SWT1: variants seen among roughly 807,000 people sequenced by gnomAD.
The protein encoded by SWT1 is transcriptional protein SWT1.
A neutral mutation model predicts 107.3 loss-of-function variants in SWT1; 33 were observed. The observed-to-expected ratio is 0.31, with a 90% CI of 0.23 to 0.41. SWT1 has a LOEUF of 0.41. Among genes scored for constraint, SWT1 ranks in the 10% least tolerant of loss-of-function variants. The pLI is 1.00. For synonymous variants in SWT1, 345 were observed against 348.3 expected (o/e 0.99, Z 0.11); for missense variants, 898 against 1,028.9 (o/e 0.87, Z 1.74).
intron 2 of SWT1, among the ~76,000 whole-genome samples, chr1:185,161,879 A>T (rs1654177720): frequency 6.6e-6 from 1 of 152,158 alleles, no homozygotes; most frequent in African/African-American, 2.4e-5. Context: ...GAGAGTGTTT[A>T]TGCTGTGTTA....
At chr1:185,271,073 T>C (rs1004744709) in intron 16 of SWT1, among the ~76,000 whole-genome samples, 6 of 152,230 alleles carry the variant, frequency 3.9e-5, no homozygotes, top group African/African-American at 1.2e-4. Context: ...AGAATGCTTA[T>C]AGTTGTTGAT....
intron 17 of SWT1, among the ~76,000 whole-genome samples, chr1:185,275,882 A>G (rs1471921684): frequency 6.6e-6 from 1 of 152,166 alleles, no homozygotes; most frequent in Non-Finnish European, 1.5e-5. Context: ...TTCCCCACCA[A>G]AAAATGCATG....
intron 15 of SWT1, among the ~76,000 whole-genome samples, chr1:185,231,105 G>T (rs1356369358): frequency 6.6e-6 from 1 of 151,992 alleles, no homozygotes; most frequent in East Asian, 1.9e-4. Context: ...TGCTTATATT[G>T]TTATACATTT....
intron 16 of SWT1, among the ~76,000 whole-genome samples, chr1:185,242,106 A>G (rs1406094993): frequency 6.6e-6 from 1 of 152,182 alleles, no homozygotes; most frequent in African/African-American, 2.4e-5. Flanking sequence ...CTCAGGGAAT[A>G]TAAGCAGGCA....
chr1:185,191,978 A>G (rs1482491046), intron 10 of SWT1, among the ~76,000 whole-genome samples: 1 of 152,010 alleles, frequency 6.6e-6, no homozygotes, highest in Non-Finnish European at 1.5e-5. Flanking sequence ...GTTGGTTTGT[A>G]TGCATTTTCT....
chr1:185,221,765 C>A, intron 14 of SWT1, 84 bp from the exon 15 acceptor site: 2 of 915,174 alleles, frequency 2.2e-6, no homozygotes, highest in Non-Finnish European at 3.2e-6. Flanking sequence ...AAAGCTAGAA[C>A]ATTTGTAAGC....
chr1:185,252,584 T>G (rs1484111400), intron 16 of SWT1, among the ~76,000 whole-genome samples: 1 of 152,012 alleles, frequency 6.6e-6, no homozygotes, highest in African/African-American at 2.4e-5. Context: ...TGTCTTCTTT[T>G]GAGAAGTGTC....
At chr1:185,251,595 T>C (rs890578114) in intron 16 of SWT1, among the ~76,000 whole-genome samples, 28 of 152,256 alleles carry the variant, frequency 1.8e-4, no homozygotes, top group African/African-American at 6.5e-4. Flanking sequence ...ATTGATCCTC[T>C]TTACTGCTAG....
At chr1:185,169,465 G>A (rs1654863158) in intron 4 of SWT1, among the ~76,000 whole-genome samples, 1 of 151,962 alleles carries the variant, frequency 6.6e-6, no homozygotes, top group Admixed American at 6.6e-5. Context: ...TGAAATTGGT[G>A]TGCAAACAGT....
intron 5 of SWT1, among the ~76,000 whole-genome samples, 197 bp from the exon 6 acceptor site, chr1:185,180,194 G>A (rs1182192066): frequency 2.6e-5 from 4 of 152,134 alleles, no homozygotes; most frequent in Admixed American, 2.0e-4. Flanking sequence ...TAAAAAAAAA[G>A]TTTGGGAGTA....
At chr1:185,215,030 A>G (rs751993558) in intron 14 of SWT1, among the ~76,000 whole-genome samples, 98 of 152,168 alleles carry the variant, frequency 6.4e-4, no homozygotes, top group Non-Finnish European at 1.1e-3. Flanking sequence ...CTGAAACCCT[A>G]TTGAATCTAT....
At chr1:185,193,579 G>C (rs1347163261) in intron 10 of SWT1, among the ~76,000 whole-genome samples, 1 of 151,400 alleles carries the variant, frequency 6.6e-6, no homozygotes, top group Non-Finnish European at 1.5e-5. Flanking sequence ...CAATTCTCCT[G>C]CCTTAGCCTC....
chr1:185,246,920 TGCCTGA>T (rs2102629433), intron 16 of SWT1, among the ~76,000 whole-genome samples: 1 of 152,300 alleles, frequency 6.6e-6, no homozygotes, highest in South Asian at 2.1e-4. Context: ...TGAGCCACCA[TGCCTGA>T]CCAGGGGCTA....
intron 4 of SWT1, 83 bp downstream of exon 4, chr1:185,168,481 C>A: frequency 1.3e-6 from 1 of 797,890 alleles, no homozygotes; most frequent in Non-Finnish European, 1.8e-6. Context: ...TTTTTATTTA[C>A]TTTGAAGAGG....
intron 18 of SWT1, among the ~76,000 whole-genome samples, chr1:185,282,587 G>A (rs967879641): frequency 3.9e-5 from 6 of 152,076 alleles, no homozygotes; most frequent in Non-Finnish European, 5.9e-5. Context: ...CTACACCTGA[G>A]GAGGGAGTTG....
At chr1:185,207,892 C>A (rs2102473187) in intron 13 of SWT1, among the ~76,000 whole-genome samples, 1 of 152,130 alleles carries the variant, frequency 6.6e-6, no homozygotes. Flanking sequence ...CAGAATGAGA[C>A]CCTGTCTCAA....
intron 16 of SWT1, among the ~76,000 whole-genome samples, chr1:185,235,918 C>A (rs1006497004): frequency 2.0e-5 from 3 of 151,988 alleles, no homozygotes; most frequent in African/African-American, 4.8e-5. Flanking sequence ...AACAAACAGC[C>A]AAATCAAGAG....
At chr1:185,191,843 C>T (rs1571460749) in intron 10 of SWT1, among the ~76,000 whole-genome samples, 1 of 152,020 alleles carries the variant, frequency 6.6e-6, no homozygotes, top group Non-Finnish European at 1.5e-5. Flanking sequence ...ACATTCACTG[C>T]TTTTTTTGGG....
At chr1:185,218,321 T>G (rs938230734) in intron 14 of SWT1, among the ~76,000 whole-genome samples, 17 of 152,192 alleles carry the variant, frequency 1.1e-4, no homozygotes, top group Non-Finnish European at 1.9e-4. Context: ...GATTTTTTTT[T>G]GGGAGACAGG....
Sources: allele counts gnomAD v4.1 joint callset (sites outside exome capture counted in the v4.1 genomes callset), GRCh38; gene constraint gnomAD v4.1.1; transcripts MANE v1.5; gene names NCBI Gene and HGNC (gene_info 2026-07-23, HGNC 2026-07-21).